The following PKHD1 variants were observed in gnomAD, a reference collection of about 807,000 sequenced individuals.
PKHD1 encodes the protein fibrocystin.
In PKHD1, 291 loss-of-function variants were observed where a neutral mutation model predicts 412.0. That is an observed-to-expected ratio of 0.71 (90% CI 0.64 to 0.78). The LOEUF is 0.78. PKHD1 is among the 30% of genes least tolerant of loss of function. PKHD1 has a pLI of 0.00. For synonymous variants in PKHD1, 1,777 were observed against 1,821.5 expected (o/e 0.98, Z 0.62); for missense variants, 4,825 against 4,950.7 (o/e 0.97, Z 0.76).
intron 60 of PKHD1, among the ~76,000 whole-genome samples, chr6:51,674,428 CTTCAA>C (rs577636681): frequency 4.0e-4 from 61 of 152,236 alleles, no homozygotes; most frequent in African/African-American, 1.3e-3. Context: ...CTTCTTCCTT[CTTCAA>C]TTCTTCTTTT....
Position 51,770,595 on chromosome 6 carries a change from T to C in PKHD1, c.8642+2107A>G, listed in dbSNP as rs573988204. On this transcript the variant is annotated intron_variant, in intron 55 of 66. Transcript: ENST00000371117. ...TTCTTATTTCTGTTTGTTTTAAATA[T>C]ACCTTTTTTGTTGCTTTTATTCTTT... Among the ~76,000 whole-genome samples, 7 of 151,970 alleles carry C rather than the reference T, an allele frequency of 4.6e-5. No individual in the cohort carries two copies. The South Asian group carries it at 1.2e-3, about 27-fold the overall frequency.
chr6:52,006,283 T>C (rs1022362851), intron 35 of PKHD1, among the ~76,000 whole-genome samples: 8 of 151,854 alleles, frequency 5.3e-5, no homozygotes, highest in African/African-American at 1.9e-4. Context: ...CAAGCAATTC[T>C]CCTGCCTCAG....
intron 34 of PKHD1, among the ~76,000 whole-genome samples, chr6:52,013,803 A>T (rs1800103127): frequency 6.6e-6 from 1 of 152,208 alleles, no homozygotes; most frequent in African/African-American, 2.4e-5. Flanking sequence ...TTAGATCCTA[A>T]AGTAAGCAAG....
intron 55 of PKHD1, among the ~76,000 whole-genome samples, chr6:51,758,946 G>A (rs1320962722): frequency 6.6e-6 from 1 of 152,166 alleles, no homozygotes; most frequent in Non-Finnish European, 1.5e-5. Context: ...ATACTTGTAA[G>A]ATCTTAATGA....
intron 6 of PKHD1, among the ~76,000 whole-genome samples, chr6:52,074,075 A>C (rs771907858): frequency 3.3e-5 from 5 of 152,264 alleles, no homozygotes; most frequent in Non-Finnish European, 5.9e-5. Flanking sequence ...TAGAATATTT[A>C]ACCATGTATA....
intron 37 of PKHD1, among the ~76,000 whole-genome samples, chr6:51,918,122 T>C (rs1029964276): frequency 6.6e-6 from 1 of 152,086 alleles, no homozygotes; most frequent in Non-Finnish European, 1.5e-5. Context: ...TGCAGGACTT[T>C]GTTGACCTGT....
At chr6:51,844,715 T>C (rs1770853376) in intron 50 of PKHD1, among the ~76,000 whole-genome samples, 1 of 152,034 alleles carries the variant, frequency 6.6e-6, no homozygotes, top group African/African-American at 2.4e-5. Flanking sequence ...GGTAAAACAA[T>C]ACAAAAGATG....
chr6:51,742,200 T>C (rs1237544133), intron 60 of PKHD1, among the ~76,000 whole-genome samples: 2 of 152,234 alleles, frequency 1.3e-5, no homozygotes, highest in African/African-American at 4.8e-5. Context: ...GCAAAAAATA[T>C]ATTTGCTGGT....
intron 37 of PKHD1, among the ~76,000 whole-genome samples, chr6:51,925,374 T>A (rs1380456903): frequency 2.6e-5 from 4 of 152,152 alleles, no homozygotes; most frequent in Non-Finnish European, 5.9e-5. Context: ...GATGGTTAAT[T>A]TTGCGCATCA....
intron 61 of PKHD1, among the ~76,000 whole-genome samples, chr6:51,651,237 T>C (rs77072126): frequency 0.021 from 3,146 of 152,308 alleles, 55 homozygotes; most frequent in Non-Finnish European, 0.034. Context: ...TGCTGCAGCA[T>C]ATCCCAAGGT....
intron 48 of PKHD1, among the ~76,000 whole-genome samples, chr6:51,856,607 C>G (rs1773349202): frequency 6.6e-6 from 1 of 152,174 alleles, no homozygotes; most frequent in South Asian, 2.1e-4. Context: ...ACCTGACATG[C>G]CTAGGTGCTG....
chr6:52,019,046 CAT>C (rs201839573), intron 33 of PKHD1, among the ~76,000 whole-genome samples: 4,056 of 152,224 alleles, frequency 0.027, 72 homozygotes, highest in Non-Finnish European at 0.039. Flanking sequence ...TCATGACCCA[CAT>C]ATAAAAAGCA....
chr6:51,781,552 C>T (rs908639403), intron 53 of PKHD1, among the ~76,000 whole-genome samples: 9 of 152,070 alleles, frequency 5.9e-5, no homozygotes, highest in Non-Finnish European at 1.3e-4. Context: ...TACCTCATTT[C>T]TTTAAGCCTC....
chr6:51,912,420 A>T lies in PKHD1; in HGVS notation c.6278T>A (p.Ile2093Asn). Residue 2093 changes from isoleucine (I) to asparagine (N), a missense_variant, in exon 38 of 67, where the codon ATT becomes AAT. Coordinates refer to ENST00000371117, the MANE Select transcript of PKHD1 (RefSeq NM_138694.4). ...ATCCTGCACAGTTTCCACAGTGACAATCTCTTCCATCGGTTTGGCACCTTT... is the reference window on the plus strand; with the variant it reads ...ATCCTGCACAGTTTCCACAGTGACATTCTCTTCCATCGGTTTGGCACCTTT... ...GVKGAKPMEE[I>N]VTVETVQDTD... The T allele has an allele frequency of 6.2e-7, 1 of 1,613,196 alleles. No homozygotes were observed. The highest frequency in any genetic ancestry group is 8.5e-7 in the Non-Finnish European group (1 of 1,179,370).
chr6:51,797,778 T>C (rs1794833166), intron 52 of PKHD1, among the ~76,000 whole-genome samples: 1 of 152,228 alleles, frequency 6.6e-6, no homozygotes, highest in Non-Finnish European at 1.5e-5. Context: ...CTATGTCTTT[T>C]AATTGGGGCA....
chr6:51,809,655 C>T (rs1582821341), intron 52 of PKHD1, among the ~76,000 whole-genome samples: 1 of 151,982 alleles, frequency 6.6e-6, no homozygotes, highest in Non-Finnish European at 1.5e-5. Flanking sequence ...GTACAGCATT[C>T]CACCTATTTA....
At chr6:51,953,061 G>C (rs970754831) in intron 36 of PKHD1, among the ~76,000 whole-genome samples, 1 of 152,098 alleles carries the variant, frequency 6.6e-6, no homozygotes, top group Non-Finnish European at 1.5e-5. Flanking sequence ...TTTGAAGTCA[G>C]GCTCCAGTTT....
At chr6:51,830,793 A>C in intron 52 of PKHD1, 68 bp downstream of exon 52, 1 of 1,436,446 alleles carries the variant, frequency 7.0e-7, no homozygotes, top group Middle Eastern at 1.7e-4. Context: ...TACAATATAA[A>C]TGAAACATAA....
At chr6:52,059,799 A>C in intron 15 of PKHD1, 129 bp downstream of exon 15, 1 of 680,662 alleles carries the variant, frequency 1.5e-6, no homozygotes, top group Non-Finnish European at 2.7e-6. Flanking sequence ...TTCAACAATT[A>C]AAGTTCCTGA....
Sources: allele counts gnomAD v4.1 joint callset (sites outside exome capture counted in the v4.1 genomes callset), GRCh38; gene constraint gnomAD v4.1.1; transcripts MANE v1.5; gene names NCBI Gene and HGNC (gene_info 2026-07-23, HGNC 2026-07-21).